Variants in SLC8A1 observed in about 807,000 individuals in gnomAD.
SLC8A1 encodes the protein sodium/calcium exchanger 1.
SLC8A1 carries 18 observed loss-of-function variants against 68.3 expected under a neutral mutation model. The observed-to-expected ratio is 0.26, with a 90% CI of 0.18 to 0.39. The LOEUF (loss-of-function observed/expected upper bound fraction) is 0.39. SLC8A1 is among the 10% of genes least tolerant of loss of function. The pLI, the probability that SLC8A1 is intolerant of heterozygous loss-of-function variation, is 1.00. For synonymous variants in SLC8A1, 475 were observed against 415.5 expected, an observed-to-expected ratio of 1.14 and a Z score of -1.74; for missense variants, 985 against 1,156.7, an observed-to-expected ratio of 0.85 and a Z score of 2.15.
rs1241073602 is a variant in SLC8A1, at chr2:40,178,365, A to G, written c.1809-510T>C. On this transcript the variant is annotated intron_variant, in intron 2 of 7. Transcript: ENST00000406785. ...CAGGCCAGCAGAAGCTGTTGGGCTC[A>G]GCCCTGGAGCAGCTCCCCCACCTTT... The G allele has an allele frequency of 1.9e-6, 3 of 1,596,272 alleles. No homozygotes were observed. In the South Asian group the frequency reaches 3.3e-5, roughly 18 times the overall value.
intron 1 of SLC8A1, among the ~76,000 whole-genome samples, chr2:40,468,578 G>T (rs890727184): frequency 6.6e-6 from 1 of 152,006 alleles, no homozygotes; most frequent in African/African-American, 2.4e-5. Flanking sequence ...TATTCCCAGT[G>T]TGCATAAATC....
Position 40,387,814 on chromosome 2 carries a change from G to A in SLC8A1, c.1808+40659C>T, listed in dbSNP as rs192526243. On this transcript the variant is annotated intron_variant, in intron 2 of 7. Coordinates refer to ENST00000406785, the Ensembl canonical transcript of SLC8A1. ...TTAGCGGGTGTGGTGGCATGTGCCT[G>A]TAATCCCAGCTACTTTGGAGCCTGA... Among the ~76,000 whole-genome samples, 133 of 151,884 alleles carry A rather than the reference G, an allele frequency of 8.8e-4. 1 individual carries two copies. Among genetic ancestry groups the A allele is most frequent in the African/African-American group, 3.0e-3 (126 of 41,430 alleles).
At chr2:40,181,863 C>T (rs1222525227) in intron 2 of SLC8A1, among the ~76,000 whole-genome samples, 1 of 152,218 alleles carries the variant, frequency 6.6e-6, no homozygotes, top group African/African-American at 2.4e-5. Context: ...GAGCCTAATG[C>T]ATGAAAGATA....
At chr2:40,229,464 G>A (rs755892312) in intron 2 of SLC8A1, among the ~76,000 whole-genome samples, 1 of 152,040 alleles carries the variant, frequency 6.6e-6, no homozygotes, top group African/African-American at 2.4e-5. Context: ...AAGCTGAATA[G>A]AACTTGTCCT....
intron 2 of SLC8A1, among the ~76,000 whole-genome samples, chr2:40,350,284 C>A (rs891930476): frequency 6.6e-6 from 1 of 151,984 alleles, no homozygotes; most frequent in Non-Finnish European, 1.5e-5. Flanking sequence ...GAGTTCAAGA[C>A]CAACCTGGGC....
At chr2:40,335,711 G>C (rs998932389) in intron 2 of SLC8A1, among the ~76,000 whole-genome samples, 4 of 152,206 alleles carry the variant, frequency 2.6e-5, no homozygotes, top group Non-Finnish European at 2.9e-5. Flanking sequence ...AAACTACATA[G>C]ATCATGAAAC....
At chr2:40,203,850 A>G (rs182348724) in intron 2 of SLC8A1, among the ~76,000 whole-genome samples, 2 of 151,986 alleles carry the variant, frequency 1.3e-5, no homozygotes, top group African/African-American at 4.8e-5. Context: ...GACTACATGC[A>G]TGAACTACCA....
chr2:40,180,669 G>T (rs541730167), intron 2 of SLC8A1, among the ~76,000 whole-genome samples: 35 of 152,254 alleles, frequency 2.3e-4, no homozygotes, highest in Admixed American at 1.2e-3. Flanking sequence ...TGAGAGTCAC[G>T]TTGCAATATT....
intron 2 of SLC8A1, among the ~76,000 whole-genome samples, chr2:40,222,497 A>G (rs1170737763): frequency 6.6e-6 from 1 of 152,260 alleles, no homozygotes; most frequent in African/African-American, 2.4e-5. Context: ...CACTAAAAGC[A>G]ATGGCAACAA....
intron 2 of SLC8A1, among the ~76,000 whole-genome samples, chr2:40,353,372 CA>C (rs1355100384): frequency 1.3e-5 from 2 of 152,118 alleles, no homozygotes; most frequent in Non-Finnish European, 2.9e-5. Context: ...CGTTCAACCT[CA>C]AAAACTTGGC....
At chr2:40,124,338 C>A (rs566444136) in intron 7 of SLC8A1, among the ~76,000 whole-genome samples, 2 of 152,172 alleles carry the variant, frequency 1.3e-5, no homozygotes, top group African/African-American at 2.4e-5. Context: ...GTTAGTTACT[C>A]ACTCCAGAGA....
intron 1 of SLC8A1, among the ~76,000 whole-genome samples, chr2:40,473,936 T>A (rs570058140): frequency 2.6e-5 from 4 of 152,350 alleles, no homozygotes; most frequent in Admixed American, 6.5e-5. Context: ...AATATAAATA[T>A]AGGCATAATC....
chr2:40,212,634 T>G (rs432142), intron 2 of SLC8A1, among the ~76,000 whole-genome samples: 21,893 of 152,188 alleles, frequency 0.14, 1,940 homozygotes, highest in African/African-American at 0.23. Context: ...TCTTCAGATC[T>G]ATAAATCTGC....
At chr2:40,497,560 G>T (rs1385168572) in intron 1 of SLC8A1, among the ~76,000 whole-genome samples, 2 of 151,890 alleles carry the variant, frequency 1.3e-5, no homozygotes, top group Non-Finnish European at 2.9e-5. Flanking sequence ...CTCTATTGAG[G>T]GTTCATCAAG....
intron 2 of SLC8A1, among the ~76,000 whole-genome samples, chr2:40,215,643 C>CAAAAAAAAAAAA (rs56191722): frequency 2.0e-4 from 14 of 69,924 alleles, no homozygotes; most frequent in African/African-American, 8.0e-4. Context: ...GACTCCGTCT[C>CAAAAAAAAAAAA]AAAAAAAAAA....
At chr2:40,330,633 T>G (rs1253946337) in intron 2 of SLC8A1, among the ~76,000 whole-genome samples, 12 of 152,236 alleles carry the variant, frequency 7.9e-5, no homozygotes, top group Admixed American at 7.8e-4. Flanking sequence ...GAGGTAATTG[T>G]CTATATACAA....
intron 2 of SLC8A1, among the ~76,000 whole-genome samples, chr2:40,352,966 A>G (rs1671570935): frequency 6.6e-6 from 1 of 152,140 alleles, no homozygotes; most frequent in South Asian, 2.1e-4. Context: ...CTGGCAGGGC[A>G]TAACTCTCAC....
At chr2:40,280,350 G>T (rs1169866187) in intron 2 of SLC8A1, among the ~76,000 whole-genome samples, 1 of 150,928 alleles carries the variant, frequency 6.6e-6, no homozygotes, top group Non-Finnish European at 1.5e-5. Context: ...TGTCCTAATG[G>T]AAAAGTAACA....
intron 2 of SLC8A1, among the ~76,000 whole-genome samples, chr2:40,295,401 C>A (rs140150403): frequency 6.6e-6 from 1 of 151,614 alleles, no homozygotes; most frequent in Non-Finnish European, 1.5e-5. Context: ...CCATGCCCTG[C>A]CAAAAAAGTA....
Sources: allele counts gnomAD v4.1 joint callset (sites outside exome capture counted in the v4.1 genomes callset), GRCh38; gene constraint gnomAD v4.1.1; transcripts MANE v1.5; gene names NCBI Gene and HGNC (gene_info 2026-07-23, HGNC 2026-07-21).